The following ADGRB3 variants were observed in gnomAD, a reference collection of about 807,000 sequenced individuals.
ADGRB3 encodes brain-specific angiogenesis inhibitor 3.
In ADGRB3, 37 loss-of-function variants were observed where a neutral mutation model predicts 193.4. The ratio of observed to expected loss-of-function variants is 0.19; its 90% CI spans 0.15 to 0.25. The LOEUF (loss-of-function observed/expected upper bound fraction) is 0.25. ADGRB3 is among the 10% of genes least tolerant of loss of function. ADGRB3 has a pLI of 1.00. For synonymous variants in ADGRB3, 690 were observed against 644.2 expected (o/e 1.07, Z -1.08); for missense variants, 1,637 against 1,852.9 (o/e 0.88, Z 2.14).
Position 68,975,353 on chromosome 6 carries a change from C to T in ADGRB3, c.1734+13C>T. Reference sequence around the variant, plus strand: ...CTTGCAGCATTCAGTAGGTGCAAAGCCAGCTTTAGTACTTGCTCTGTTTAT... The same window carrying T: ...CTTGCAGCATTCAGTAGGTGCAAAGTCAGCTTTAGTACTTGCTCTGTTTAT... On this transcript the variant is annotated intron_variant, in intron 10 of 31. Coordinates refer to ENST00000370598, the MANE Select transcript of ADGRB3 (RefSeq NM_001704.3). 6.3e-7 allele frequency: 1 copy of T among 1,590,382 alleles called. No individual in the cohort carries two copies. Among genetic ancestry groups the T allele is most frequent in the Non-Finnish European group, 8.6e-7 (1 of 1,158,980 alleles).
At chr6:69,096,845 A>C (rs1336634) in intron 17 of ADGRB3, among the ~76,000 whole-genome samples, 103,037 of 152,026 alleles carry the variant, frequency 0.68, 35,825 homozygotes, top group East Asian at 0.96. Flanking sequence ...GGTTTTTCTC[A>C]TGTGTTTCAA....
chr6:69,004,097 A>G (rs1769669097), intron 11 of ADGRB3, among the ~76,000 whole-genome samples: 1 of 152,212 alleles, frequency 6.6e-6, no homozygotes, highest in Non-Finnish European at 1.5e-5. Context: ...AGATGGTTTT[A>G]TGTTGTGATT....
At chr6:68,977,889 G>A (rs977682692) in intron 10 of ADGRB3, among the ~76,000 whole-genome samples, 7 of 146,556 alleles carry the variant, frequency 4.8e-5, no homozygotes, top group African/African-American at 1.5e-4. Context: ...TGCCCTAGGC[G>A]CAATTGTTCC....
chr6:68,715,002 C>A (rs1465772750), intron 3 of ADGRB3, among the ~76,000 whole-genome samples: 1 of 151,736 alleles, frequency 6.6e-6, no homozygotes, highest in Non-Finnish European at 1.5e-5. Flanking sequence ...AAGAACACTA[C>A]AGTGCATAGT....
At chr6:69,290,680 CA>C (rs1313174822) in intron 20 of ADGRB3, among the ~76,000 whole-genome samples, 11 of 152,098 alleles carry the variant, frequency 7.2e-5, no homozygotes, top group African/African-American at 2.4e-4. Flanking sequence ...ATAATAAAAG[CA>C]GAGTGTTTAT....
chr6:69,343,185 C>CT (rs766250959), intron 26 of ADGRB3, among the ~76,000 whole-genome samples: 292 of 133,776 alleles, frequency 2.2e-3, no homozygotes, highest in African/African-American at 4.6e-3. Flanking sequence ...CTTTGTAATT[C>CT]TTTTTTTTTT....
Position 68,760,313 on chromosome 6 carries a change from T to C in ADGRB3, c.757+120881T>C, listed in dbSNP as rs141177405. Among the ~76,000 whole-genome samples, 287 of 152,314 alleles carry C rather than the reference T, an allele frequency of 1.9e-3. 3 individuals carry two copies. The highest frequency in any genetic ancestry group is 6.7e-3 in the African/African-American group (277 of 41,584). The stretch of plus-strand genomic sequence containing the variant: ...ATTTCTCCCCTAGGGGTGGTTGTCA[T>C]ATACTTCAGTAATGCAGATTAAATT... On this transcript the variant is annotated intron_variant, in intron 3 of 31. Coordinates refer to ENST00000370598, the MANE Select transcript of ADGRB3 (RefSeq NM_001704.3).
chr6:69,238,626 T>C (rs1766322531), intron 19 of ADGRB3, among the ~76,000 whole-genome samples: 3 of 151,954 alleles, frequency 2.0e-5, no homozygotes, highest in African/African-American at 7.2e-5. Context: ...GTGTTCACAG[T>C]TTCATGAAAG....
intron 17 of ADGRB3, among the ~76,000 whole-genome samples, chr6:69,135,506 G>C (rs1192456827): frequency 6.6e-6 from 1 of 151,960 alleles, no homozygotes; most frequent in East Asian, 1.9e-4. Context: ...CAGGGAAAAA[G>C]CTATACATGC....
At chr6:69,237,470 C>T (rs1333456439) in intron 19 of ADGRB3, among the ~76,000 whole-genome samples, 1 of 151,878 alleles carries the variant, frequency 6.6e-6, no homozygotes, top group Non-Finnish European at 1.5e-5. Context: ...GAAGCATGTC[C>T]TTGTCATCAC....
intron 3 of ADGRB3, among the ~76,000 whole-genome samples, chr6:68,804,810 T>G (rs1409318333): frequency 6.6e-6 from 1 of 152,158 alleles, no homozygotes; most frequent in East Asian, 1.9e-4. Context: ...TCAACATTTA[T>G]TTTATATATC....
intron 17 of ADGRB3, among the ~76,000 whole-genome samples, chr6:69,230,787 C>T (rs1766117928): frequency 6.6e-6 from 1 of 152,218 alleles, no homozygotes; most frequent in East Asian, 1.9e-4. Flanking sequence ...TTCTCTCCTA[C>T]TTACCTGCTC....
chr6:69,207,185 C>G (rs989593361), intron 17 of ADGRB3, among the ~76,000 whole-genome samples: 7 of 152,132 alleles, frequency 4.6e-5, no homozygotes, highest in Admixed American at 4.6e-4. Context: ...ATGTTCCTCC[C>G]TCTGGAACTA....
intron 17 of ADGRB3, among the ~76,000 whole-genome samples, chr6:69,093,769 A>T (rs1772786969): frequency 6.6e-6 from 1 of 151,866 alleles, no homozygotes; most frequent in African/African-American, 2.4e-5. Flanking sequence ...GTTCAGGGGG[A>T]TAGGAGTGGG....
At chr6:68,826,045 A>G (rs1319265899) in intron 3 of ADGRB3, among the ~76,000 whole-genome samples, 2 of 149,036 alleles carry the variant, frequency 1.3e-5, no homozygotes, top group East Asian at 2.0e-4. Flanking sequence ...GCATTTCTTT[A>G]TATATTCAGC....
chr6:69,195,872 G>A (rs1017377125), intron 17 of ADGRB3, among the ~76,000 whole-genome samples: 4 of 152,010 alleles, frequency 2.6e-5, no homozygotes. Flanking sequence ...ATATGCTATA[G>A]CAAGGCCTTA....
At chr6:69,376,546 C>T (rs755074814) in intron 30 of ADGRB3, among the ~76,000 whole-genome samples, 1 of 151,940 alleles carries the variant, frequency 6.6e-6, no homozygotes, top group South Asian at 2.1e-4. Flanking sequence ...TCACAAATCC[C>T]CATTTTCATG....
intron 13 of ADGRB3, among the ~76,000 whole-genome samples, chr6:69,045,719 AC>A (rs1185631389): frequency 6.6e-6 from 1 of 152,104 alleles, no homozygotes; most frequent in African/African-American, 2.4e-5. Context: ...ATCCATGCAG[AC>A]ATCTCAAACC....
intron 20 of ADGRB3, among the ~76,000 whole-genome samples, chr6:69,279,109 A>G (rs1767369460): frequency 7.6e-6 from 1 of 131,976 alleles, no homozygotes; most frequent in African/African-American, 2.8e-5. Context: ...ATATATATAT[A>G]TATATATATA....
Sources: allele counts gnomAD v4.1 joint callset (sites outside exome capture counted in the v4.1 genomes callset), GRCh38; gene constraint gnomAD v4.1.1; transcripts MANE v1.5; gene names NCBI Gene and HGNC (gene_info 2026-07-23, HGNC 2026-07-21).